LDB2: variants seen among roughly 807,000 people sequenced by gnomAD.
LDB2 encodes LIM domain binding 2.
Under a neutral mutation model 44.3 loss-of-function variants are expected in LDB2, and 12 were observed. The ratio of observed to expected loss-of-function variants is 0.27; its 90% confidence interval spans 0.17 to 0.44. The LOEUF is 0.44. Ranked by LOEUF, LDB2 falls within the 20% of genes least tolerant of loss-of-function variation. The pLI is 1.00. For missense variants in LDB2, 344 were observed against 473.5 expected (o/e 0.73, Z 2.54); for synonymous variants, 164 against 174.8 (o/e 0.94, Z 0.49).
At chr4:16,578,035 C>G (rs1024183649) in intron 5 of LDB2, among the ~76,000 whole-genome samples, 2 of 152,084 alleles carry the variant, frequency 1.3e-5, no homozygotes, top group African/African-American at 4.8e-5. Context: ...AATTAGACCC[C>G]TATTTCTCAC....
At chr4:16,730,448 C>A (rs1204637240) in intron 2 of LDB2, among the ~76,000 whole-genome samples, 1 of 152,114 alleles carries the variant, frequency 6.6e-6, no homozygotes, top group Non-Finnish European at 1.5e-5. Context: ...GTCAATTAGG[C>A]ATGATAAAGA....
At chr4:16,781,548 G>T (rs1424272803) in intron 1 of LDB2, among the ~76,000 whole-genome samples, 3 of 152,142 alleles carry the variant, frequency 2.0e-5, no homozygotes, top group Non-Finnish European at 2.9e-5. Flanking sequence ...ATCATGGGGA[G>T]AATTATGTGG....
At chr4:16,666,304 C>T (rs988813353) in intron 2 of LDB2, among the ~76,000 whole-genome samples, 5 of 152,124 alleles carry the variant, frequency 3.3e-5, no homozygotes, top group Middle Eastern at 3.2e-3. Context: ...GTTGAAGCCT[C>T]GCCAAGCTAG....
At chr4:16,639,459 G>T (rs1734552514) in intron 2 of LDB2, among the ~76,000 whole-genome samples, 1 of 151,396 alleles carries the variant, frequency 6.6e-6, no homozygotes, top group African/African-American at 2.5e-5. Context: ...GAAACCAAAA[G>T]AATTATTATT....
chr4:16,643,542 T>C (rs1242479680), intron 2 of LDB2, among the ~76,000 whole-genome samples: 3 of 152,190 alleles, frequency 2.0e-5, no homozygotes, highest in Non-Finnish European at 4.4e-5. Flanking sequence ...CTCTGATCCC[T>C]TTGCATTTTG....
chr4:16,774,350 T>A (rs1036250906), intron 1 of LDB2, among the ~76,000 whole-genome samples: 19 of 152,148 alleles, frequency 1.2e-4, no homozygotes, highest in East Asian at 3.9e-4. Flanking sequence ...TGCGTTTTTT[T>A]AAAAAATTAA....
intron 2 of LDB2, among the ~76,000 whole-genome samples, chr4:16,697,095 C>T (rs1752289435): frequency 6.6e-6 from 1 of 152,052 alleles, no homozygotes; most frequent in African/African-American, 2.4e-5. Flanking sequence ...ACTATATTTC[C>T]ATCTTTAGTA....
intron 2 of LDB2, among the ~76,000 whole-genome samples, chr4:16,758,806 A>G (rs960766999): frequency 6.6e-6 from 1 of 152,218 alleles, no homozygotes; most frequent in Non-Finnish European, 1.5e-5. Context: ...AACCTCCAGA[A>G]GCAGAACATT....
chr4:16,886,050 T>C (rs763342126), intron 1 of LDB2, among the ~76,000 whole-genome samples: 3 of 152,000 alleles, frequency 2.0e-5, no homozygotes, highest in African/African-American at 7.3e-5. Flanking sequence ...ATTCTATCTC[T>C]ACAATTTTTT....
chr4:16,786,785 T>C (rs1228012905), intron 1 of LDB2, among the ~76,000 whole-genome samples: 1 of 152,212 alleles, frequency 6.6e-6, no homozygotes, highest in Non-Finnish European at 1.5e-5. Context: ...ACATTATTGT[T>C]TGGGGAAAAA....
At chr4:16,609,009 C>T (rs913885313) in intron 2 of LDB2, among the ~76,000 whole-genome samples, 3 of 152,230 alleles carry the variant, frequency 2.0e-5, no homozygotes, top group African/African-American at 2.4e-5. Context: ...TAGAAAAAAC[C>T]GTAATAAGCG....
At chr4:16,828,755 G>A (rs1236420711) in intron 1 of LDB2, among the ~76,000 whole-genome samples, 1 of 152,190 alleles carries the variant, frequency 6.6e-6, no homozygotes, top group African/African-American at 2.4e-5. Context: ...AACAGAAAAA[G>A]TGTGACTTAA....
intron 5 of LDB2, 24 bp downstream of exon 5, chr4:16,585,898 A>G (rs1328481041): frequency 6.3e-7 from 1 of 1,592,936 alleles, no homozygotes; most frequent in Non-Finnish European, 8.6e-7. Flanking sequence ...TCACCAAAAA[A>G]TAAAATCATT....
intron 5 of LDB2, among the ~76,000 whole-genome samples, chr4:16,517,905 GGA>G (rs1724434636): frequency 1.3e-5 from 2 of 152,024 alleles, no homozygotes. Flanking sequence ...ATGGATGGAT[GGA>G]TGGATGGATG....
intron 1 of LDB2, among the ~76,000 whole-genome samples, chr4:16,841,450 A>AT (rs1435844744): frequency 1.3e-5 from 2 of 152,240 alleles, no homozygotes; most frequent in Non-Finnish European, 2.9e-5. Context: ...GGCATTATAT[A>AT]TTATATGTGC....
chr4:16,681,388 A>C (rs1747804028), intron 2 of LDB2, among the ~76,000 whole-genome samples: 2 of 152,148 alleles, frequency 1.3e-5, no homozygotes, highest in South Asian at 4.1e-4. Flanking sequence ...AATAGCCCCA[A>C]GACCCTACAG....
At chr4:16,669,893 G>A (rs541057749) in intron 2 of LDB2, among the ~76,000 whole-genome samples, 3 of 152,286 alleles carry the variant, frequency 2.0e-5, no homozygotes, top group South Asian at 2.1e-4. Context: ...CAGCAAACTC[G>A]TTGGAGGTCC....
intron 5 of LDB2, among the ~76,000 whole-genome samples, chr4:16,520,956 A>G (rs1725858470): frequency 6.6e-6 from 1 of 151,922 alleles, no homozygotes; most frequent in African/African-American, 2.4e-5. Context: ...ACCCCCTTCC[A>G]CAATGCTTGG....
intron 5 of LDB2, among the ~76,000 whole-genome samples, chr4:16,579,980 C>T (rs780505966): frequency 6.6e-6 from 1 of 152,070 alleles, no homozygotes; most frequent in East Asian, 1.9e-4. Flanking sequence ...AGGCTCCTAC[C>T]CCAGCTGAGA....
Sources: allele counts gnomAD v4.1 joint callset (sites outside exome capture counted in the v4.1 genomes callset), GRCh38; gene constraint gnomAD v4.1.1; transcripts MANE v1.5; gene names NCBI Gene and HGNC (gene_info 2026-07-23, HGNC 2026-07-21).